Variants in EXOG observed in about 807,000 individuals in gnomAD.
EXOG encodes the protein nuclease EXOG, mitochondrial.
In EXOG, 27 loss-of-function variants were observed where a neutral mutation model predicts 25.8. The observed-to-expected ratio is 1.05, with a 90% CI of 0.77 to 1.45. The LOEUF is 1.45. Ranked by LOEUF, EXOG falls within the 40% of genes most tolerant of loss-of-function variation. The pLI is 0.00. For synonymous variants in EXOG, 133 were observed against 167.0 expected, an observed-to-expected ratio of 0.80 and a Z score of 1.57; for missense variants, 458 against 450.5, an observed-to-expected ratio of 1.02 and a Z score of -0.15.
At chr3:38,512,992 G>T (rs1384879921) in intron 5 of EXOG, among the ~76,000 whole-genome samples, 1 of 152,056 alleles carries the variant, frequency 6.6e-6, no homozygotes, top group Non-Finnish European at 1.5e-5. Flanking sequence ...GTAGAGGTGG[G>T]GGTCTCACTA....
intron 5 of EXOG, among the ~76,000 whole-genome samples, chr3:38,512,817 GAT>G (rs935507141): frequency 9.9e-5 from 15 of 152,212 alleles, no homozygotes; most frequent in African/African-American, 3.6e-4. Flanking sequence ...TTTTCATAGA[GAT>G]AGGGTCTTGC....
Position 38,525,312 on chromosome 3 carries a change from C to G in EXOG, c.*950C>G. The stretch of plus-strand genomic sequence containing the variant: ...AGAAGAAAGACAGCTGAGGTAGATT[C>G]AAATCTTTTCTGACATGGATGGTGG... On this transcript the variant is annotated 3_prime_UTR_variant, in exon 6 of 6. Coordinates refer to ENST00000287675, the MANE Select transcript of EXOG (RefSeq NM_005107.4). 1.0e-6 allele frequency: 1 copy of G among 985,114 alleles called. No homozygotes were observed. The highest frequency in any genetic ancestry group is 1.2e-6 in the Non-Finnish European group (1 of 829,708). 61.0% of individuals were successfully genotyped at this position (985,114 alleles called of 1,614,324 possible).
At chr3:38,514,934 C>T (rs2060492155) in intron 5 of EXOG, among the ~76,000 whole-genome samples, 1 of 151,976 alleles carries the variant, frequency 6.6e-6, no homozygotes, top group East Asian at 1.9e-4. Flanking sequence ...CCACATTTGG[C>T]TAATTTTTTA....
chr3:38,496,534 A>T lies in EXOG; in HGVS notation c.163+4A>T. The T allele has an allele frequency of 6.2e-7, 1 of 1,609,398 alleles. No homozygotes were observed. Among genetic ancestry groups the T allele is most frequent in the Non-Finnish European group, 8.5e-7 (1 of 1,178,892 alleles). On this transcript the variant is annotated splice_donor_region_variant and intron_variant, in intron 1 of 5. Coordinates refer to ENST00000287675, the MANE Select transcript of EXOG (RefSeq NM_005107.4). ...TTGACAGGGAAGCAGCCGGATGGTA[A>T]GTCTGTGGGCCCGTCCTCCCTTCGC... is the stretch of plus-strand genomic sequence containing the variant.
intron 4 of EXOG, among the ~76,000 whole-genome samples, chr3:38,506,437 A>G (rs1263252894): frequency 6.6e-6 from 1 of 152,248 alleles, no homozygotes; most frequent in African/African-American, 2.4e-5. Flanking sequence ...TAAGGAATTG[A>G]TACAACGTTG....
chr3:38,519,161 AC>A (rs1234096318), intron 5 of EXOG: 2 of 152,214 alleles, frequency 1.3e-5, no homozygotes, highest in East Asian at 3.8e-4. Context: ...TCATCATAGA[AC>A]TTGAGTGAAT....
In EXOG at chr3:38,503,685, G is replaced by A. The variant is rs2060114847; in HGVS notation, c.524G>A (p.Trp175Ter). The change falls in exon 4 of 6, where the codon TGG (tryptophan) becomes TAG (stop). Residue 175 changes from tryptophan to a stop codon, truncating the protein, a stop_gained. Transcript: ENST00000287675. LOFTEE classifies it high-confidence loss of function. ...GATTTTGATAATAATTCTGGATATT[G>A]GAACAGGTGAGGGATGAGAGTTTTA... is the stretch of plus-strand genomic sequence containing the variant. ...PQDFDNNSGY[W>*]NRIEMYCREL... The A allele has an allele frequency of 1.3e-6, 2 of 1,574,734 alleles. No individual in the cohort carries two copies. The highest frequency in any genetic ancestry group is 1.3e-5 in the African/African-American group (1 of 74,274).
At chr3:38,517,605 T>C (rs1341993496) in intron 5 of EXOG, among the ~76,000 whole-genome samples, 2 of 152,206 alleles carry the variant, frequency 1.3e-5, no homozygotes, top group African/African-American at 4.8e-5. Context: ...TTGTAGTGGA[T>C]GGAGAGAGCC....
At position 38,526,162 on chromosome 3, in the gene EXOG, G is replaced by A. The variant is rs1371086784; in HGVS notation, c.*1800G>A. 19 of 985,178 alleles carry A rather than the reference G, an allele frequency of 1.9e-5. No homozygotes were observed. The highest frequency in any genetic ancestry group is 5.2e-4 in the Middle Eastern group (1 of 1,934). The allele number at this position is 985,178 out of a possible 1,614,324, so 61.0% of individuals were successfully genotyped here. A position where few individuals can be genotyped will look rare whatever the true frequency, so the allele number is the denominator to read the frequency against. On this transcript the variant is annotated 3_prime_UTR_variant, in exon 6 of 6. Transcript: ENST00000287675. ...CTATCCTGAGTATTGTCAGTAAAAC[G>A]TCTTGGGGCATAAGAACTTGTCTGA...
rs939410516 is a variant in EXOG, at chr3:38,524,887, A to G, written c.*525A>G. On this transcript the variant is annotated 3_prime_UTR_variant, in exon 6 of 6. Coordinates refer to ENST00000287675, the MANE Select transcript of EXOG (RefSeq NM_005107.4). ...TTAGTTTCATGCCTCCAAACCATGC[A>G]TTGTCTGTGATGTATCTGCCCAGCC... 2 of 986,044 alleles carry G rather than the reference A, an allele frequency of 2.0e-6. No individual in the cohort carries two copies. The highest frequency in any genetic ancestry group is 2.4e-6 in the Non-Finnish European group (2 of 830,482). 61.1% of individuals were successfully genotyped at this position (986,044 alleles called of 1,614,324 possible).
At chr3:38,514,333 G>A (rs1193737677) in intron 5 of EXOG, among the ~76,000 whole-genome samples, 4 of 152,178 alleles carry the variant, frequency 2.6e-5, no homozygotes, top group Non-Finnish European at 5.9e-5. Flanking sequence ...GATGGTGGTG[G>A]TAGAAATGGT....
chr3:38,514,544 A>G (rs1228900651), intron 5 of EXOG, among the ~76,000 whole-genome samples: 1 of 152,184 alleles, frequency 6.6e-6, no homozygotes, highest in Non-Finnish European at 1.5e-5. Context: ...AGGTAGGAGA[A>G]ATCTAGGGGA....
intron 2 of EXOG, among the ~76,000 whole-genome samples, chr3:38,500,501 T>G (rs1013140203): frequency 4.6e-5 from 7 of 152,246 alleles, no homozygotes; most frequent in African/African-American, 1.7e-4. Flanking sequence ...AAGCTACATA[T>G]ATGATACTTT....
At chr3:38,511,669 T>A (rs1321752895) in intron 5 of EXOG, among the ~76,000 whole-genome samples, 1 of 152,170 alleles carries the variant, frequency 6.6e-6, no homozygotes, top group Non-Finnish European at 1.5e-5. Flanking sequence ...TATCTTGCAA[T>A]AGTAGGAAAG....
chr3:38,510,337 A>G (rs965332178), intron 5 of EXOG, among the ~76,000 whole-genome samples: 2 of 152,196 alleles, frequency 1.3e-5, no homozygotes, highest in African/African-American at 4.8e-5. Context: ...AAAGTTGCTA[A>G]AAAGGATGTT....
chr3:38,501,285 G>T (rs2060035886), intron 2 of EXOG, 70 bp from the exon 3 acceptor site: 2 of 1,370,272 alleles, frequency 1.5e-6, no homozygotes, highest in Non-Finnish European at 2.1e-6. Flanking sequence ...CAACCAGCTT[G>T]CCTTGCTTAG....
At chr3:38,497,571 T>G in intron 1 of EXOG, 58 bp from the exon 2 acceptor site, 5 of 1,486,466 alleles carry the variant, frequency 3.4e-6, no homozygotes, top group Non-Finnish European at 4.5e-6. Flanking sequence ...AGCCACTAAT[T>G]GTGTGTGTGT....
chr3:38,510,169 T>C (rs1008613861), intron 5 of EXOG, among the ~76,000 whole-genome samples: 1 of 152,176 alleles, frequency 6.6e-6, no homozygotes, highest in Admixed American at 6.5e-5. Flanking sequence ...CATACCCCAA[T>C]TGAGAGACAT....
intron 3 of EXOG, among the ~76,000 whole-genome samples, chr3:38,502,567 C>A (rs2060079620): frequency 6.6e-6 from 1 of 151,978 alleles, no homozygotes. Flanking sequence ...TATGCATCAT[C>A]TAAGAATGAG....
Sources: gnomAD v4.1 joint callset for allele counts (sites outside exome capture counted in the v4.1 genomes callset) on GRCh38, gnomAD v4.1.1 for gene constraint, MANE v1.5 for transcripts, NCBI Gene and HGNC (gene_info 2026-07-23, HGNC 2026-07-21) for gene names.